Variants in MYO16 observed in about 807,000 individuals in gnomAD.
MYO16 encodes myosin XVI, also known as unconventional myosin-XVI.
A neutral mutation model predicts 205.3 loss-of-function variants in MYO16; 94 were observed. The ratio of observed to expected loss-of-function variants is 0.46; its 90% confidence interval spans 0.39 to 0.54. MYO16 has a LOEUF of 0.54. Ranked by LOEUF, MYO16 falls within the 20% of genes least tolerant of loss-of-function variation. MYO16 has a pLI of 0.00. For synonymous variants in MYO16, 988 were observed against 954.0 expected (o/e 1.04, Z -0.66); for missense variants, 2,315 against 2,387.5 (o/e 0.97, Z 0.63).
the MYO16 span, among the ~76,000 whole-genome samples, chr13:108,496,247 A>G: frequency 2.0e-5 from 3 of 152,182 alleles, no homozygotes; most frequent in African/African-American, 7.2e-5. Flanking sequence ...GACCTACCCC[A>G]GAAGGAGGGG....
intron 20 of MYO16, among the ~76,000 whole-genome samples, chr13:108,984,519 T>C (rs939434283): frequency 6.6e-6 from 1 of 152,234 alleles, no homozygotes; most frequent in African/African-American, 2.4e-5. Context: ...CTCTTTTCAG[T>C]GGTTGGTAAT....
intron 2 of MYO16, among the ~76,000 whole-genome samples, chr13:108,687,821 A>G (rs1882738360): frequency 6.6e-6 from 1 of 152,206 alleles, no homozygotes; most frequent in South Asian, 2.1e-4. Flanking sequence ...ACATTATCTA[A>G]AACGAGGGAG....
At chr13:109,164,655 A>G (rs534235963) in intron 32 of MYO16, among the ~76,000 whole-genome samples, 2 of 152,356 alleles carry the variant, frequency 1.3e-5, no homozygotes, top group South Asian at 4.1e-4. Flanking sequence ...GACATCAAAA[A>G]TTCTTTATAA....
chr13:109,083,806 A>T (rs899569616), intron 27 of MYO16, among the ~76,000 whole-genome samples: 2 of 152,194 alleles, frequency 1.3e-5, no homozygotes, highest in Non-Finnish European at 2.9e-5. Flanking sequence ...AGAGTTTTCA[A>T]GGGCACCAGC....
chr13:109,196,629 G>A (rs1325854437), intron 34 of MYO16, among the ~76,000 whole-genome samples: 1 of 152,168 alleles, frequency 6.6e-6, no homozygotes, highest in Non-Finnish European at 1.5e-5. Context: ...ATTTTAGGTG[G>A]TCCAAACTGA....
At position 108,995,686 on chromosome 13, in the gene MYO16, G is replaced by A. The variant is rs11620259; in HGVS notation, c.2442+3238G>A. ...TTCCCACCTATGAGTGAGAACATGC[G>A]GTGTTTCGTTTTTTGTCCTTGCGAT... On this transcript the variant is annotated intron_variant, in intron 21 of 34. Coordinates refer to ENST00000457511, the MANE Select transcript of MYO16 (RefSeq NM_001198950.3). Among the ~76,000 whole-genome samples the A allele has an allele frequency of 5.3e-4, 80 of 152,134 alleles. No homozygotes were observed. The Middle Eastern group carries it at 0.01, about 19-fold the overall frequency.
At chr13:108,521,508 C>T in the MYO16 span, among the ~76,000 whole-genome samples, 2 of 152,134 alleles carry the variant, frequency 1.3e-5, no homozygotes, top group Non-Finnish European at 2.9e-5. Context: ...GGGGAAGAGT[C>T]TTGTTTTTTA....
chr13:108,751,657 A>G (rs921793622), intron 4 of MYO16, among the ~76,000 whole-genome samples: 2 of 152,140 alleles, frequency 1.3e-5, no homozygotes, highest in Non-Finnish European at 2.9e-5. Flanking sequence ...AGACTACGTC[A>G]GTCAAGTCTC....
chr13:108,979,818 G>C (rs889630644), intron 20 of MYO16, among the ~76,000 whole-genome samples: 5 of 151,498 alleles, frequency 3.3e-5, no homozygotes, highest in African/African-American at 1.2e-4. Context: ...AAAGTATTGG[G>C]GTTTTACCAA....
chr13:109,003,280 G>T (rs35227827), intron 21 of MYO16, among the ~76,000 whole-genome samples: 3,541 of 152,228 alleles, frequency 0.023, 56 homozygotes, highest in Non-Finnish European at 0.036. Flanking sequence ...CATGAAGCTG[G>T]AAATTTCTCT....
intron 33 of MYO16, chr13:109,166,489 G>A (rs676471): frequency 1 from 152,114 of 152,392 alleles, 75,919 homozygotes; most frequent in East Asian, 1. Flanking sequence ...GGGCAATGAG[G>A]AGGATGATTG....
At chr13:108,544,886 AACATAATG>A in the MYO16 span, among the ~76,000 whole-genome samples, 1 of 152,194 alleles carries the variant, frequency 6.6e-6, no homozygotes, top group Non-Finnish European at 1.5e-5. Flanking sequence ...TATTCCACTT[AACATAATG>A]ACCTCCAGTT....
chr13:109,087,476 T>A (rs1462013636), intron 27 of MYO16, among the ~76,000 whole-genome samples: 3 of 152,144 alleles, frequency 2.0e-5, no homozygotes, highest in African/African-American at 7.2e-5. Context: ...TGAAACCCTG[T>A]CTCTACTAAA....
intron 2 of MYO16, 55 bp from the exon 3 acceptor site, chr13:108,712,606 C>T: frequency 6.7e-7 from 1 of 1,492,052 alleles, no homozygotes; most frequent in Non-Finnish European, 9.4e-7. Context: ...ACATTTGGTT[C>T]CACACGTGGA....
chr13:109,133,277 T>A (rs1338487229), intron 31 of MYO16, among the ~76,000 whole-genome samples: 1 of 152,216 alleles, frequency 6.6e-6, no homozygotes, highest in East Asian at 1.9e-4. Context: ...GCTTTCGCTC[T>A]GAAACTAGCA....
At chr13:108,861,984 A>G (rs1166150223) in intron 11 of MYO16, among the ~76,000 whole-genome samples, 1 of 152,192 alleles carries the variant, frequency 6.6e-6, no homozygotes, top group Non-Finnish European at 1.5e-5. Context: ...CCTGTTTAAG[A>G]AAGCTTGGCA....
At chr13:108,941,399 G>A (rs1341324521) in intron 16 of MYO16, among the ~76,000 whole-genome samples, 2 of 152,046 alleles carry the variant, frequency 1.3e-5, no homozygotes, top group Non-Finnish European at 2.9e-5. Flanking sequence ...AAATCACCCC[G>A]ACAAGAATGA....
chr13:108,844,516 T>A (rs374793771), intron 10 of MYO16, 23 bp downstream of exon 10: 2 of 1,574,768 alleles, frequency 1.3e-6, no homozygotes, highest in African/African-American at 2.7e-5. Flanking sequence ...TCACTGTGTG[T>A]CTACCAGTAC....
At chr13:108,663,228 G>A (rs1313433042) in intron 1 of MYO16, among the ~76,000 whole-genome samples, 1 of 152,070 alleles carries the variant, frequency 6.6e-6, no homozygotes, top group African/African-American at 2.4e-5. Flanking sequence ...TCTACATGCT[G>A]CTCTGTCCGC....
Sources: gnomAD v4.1 joint callset for allele counts (sites outside exome capture counted in the v4.1 genomes callset) on GRCh38, gnomAD v4.1.1 for gene constraint, MANE v1.5 for transcripts, NCBI Gene and HGNC (gene_info 2026-07-23, HGNC 2026-07-21) for gene names.